The following SAMMSON variants were observed in gnomAD, a reference collection of about 807,000 sequenced individuals.
SAMMSON encodes long intergenic non-protein coding RNA 1212.
chr3:70,364,422 T>C (rs1702902899), intron 9 of SAMMSON, among the ~76,000 whole-genome samples: 1 of 152,074 alleles, frequency 6.6e-6, no homozygotes, highest in Middle Eastern at 3.4e-3. Context: ...CAAAGCTCTT[T>C]TGTTTTGTTT....
At chr3:70,418,842 C>A (rs1701285140) in intron 2 of SAMMSON, among the ~76,000 whole-genome samples, 1 of 152,100 alleles carries the variant, frequency 6.6e-6, no homozygotes, top group Admixed American at 6.5e-5. Flanking sequence ...CTCTTAATTG[C>A]AAGTCAAAAA....
intron 4 of SAMMSON, among the ~76,000 whole-genome samples, chr3:70,093,932 G>A (rs2067314129): frequency 1.3e-5 from 2 of 152,210 alleles, no homozygotes; most frequent in Admixed American, 6.5e-5. Flanking sequence ...TTTGAGGGAC[G>A]TTTTGCAACC....
chr3:70,181,062 T>C (rs1701049790), intron 4 of SAMMSON, among the ~76,000 whole-genome samples: 1 of 152,132 alleles, frequency 6.6e-6, no homozygotes, highest in Non-Finnish European at 1.5e-5. Context: ...TTGGAATTTA[T>C]CATGGGAACA....
At chr3:70,388,059 C>T (rs986289466) in intron 9 of SAMMSON, among the ~76,000 whole-genome samples, 6 of 152,184 alleles carry the variant, frequency 3.9e-5, no homozygotes, top group South Asian at 2.1e-4. Context: ...TTTTTTGACA[C>T]GTTGGTCAAC....
At chr3:70,227,271 C>T (rs560394492) in intron 4 of SAMMSON, among the ~76,000 whole-genome samples, 7 of 152,284 alleles carry the variant, frequency 4.6e-5, no homozygotes, top group Admixed American at 1.3e-4. Context: ...ATCTCTAAAC[C>T]TATTATAGTC....
At chr3:70,304,416 C>T (rs1296000437) in intron 7 of SAMMSON, among the ~76,000 whole-genome samples, 4 of 152,162 alleles carry the variant, frequency 2.6e-5, no homozygotes. Flanking sequence ...TGACAGTTTC[C>T]ATGGGGATAC....
intron 4 of SAMMSON, among the ~76,000 whole-genome samples, chr3:70,201,603 G>T (rs1296516922): frequency 6.6e-6 from 1 of 152,154 alleles, no homozygotes; most frequent in Non-Finnish European, 1.5e-5. Context: ...TGTTTAAGAG[G>T]CATGCCCCAG....
intron 4 of SAMMSON, among the ~76,000 whole-genome samples, chr3:70,191,508 A>T (rs1379561534): frequency 6.6e-6 from 1 of 152,244 alleles, no homozygotes; most frequent in Non-Finnish European, 1.5e-5. Flanking sequence ...AACCATAGAT[A>T]AATGAGGCAA....
chr3:70,045,347 T>C (rs1442239066), intron 3 of SAMMSON, among the ~76,000 whole-genome samples: 7 of 150,688 alleles, frequency 4.6e-5, no homozygotes, highest in Non-Finnish European at 1.0e-4. Context: ...TAGAAGCAAA[T>C]GGAGGATCTT....
intron 7 of SAMMSON, among the ~76,000 whole-genome samples, chr3:70,323,653 T>C (rs1416393054): frequency 6.6e-6 from 1 of 152,158 alleles, no homozygotes; most frequent in Admixed American, 6.6e-5. Flanking sequence ...TTGTGGGAGA[T>C]TTGAAAGACA....
intron 1 of SAMMSON, among the ~76,000 whole-genome samples, chr3:70,007,174 T>A (rs947122616): frequency 5.9e-5 from 9 of 152,142 alleles, no homozygotes; most frequent in Non-Finnish European, 1.2e-4. Context: ...GTAATGGGAT[T>A]GCTGGGTCAA....
At chr3:70,065,017 A>C (rs1446632216) in intron 3 of SAMMSON, among the ~76,000 whole-genome samples, 1 of 152,106 alleles carries the variant, frequency 6.6e-6, no homozygotes, top group African/African-American at 2.4e-5. Flanking sequence ...CTGCAGTTTG[A>C]TTTCAGATGT....
intron 6 of SAMMSON, among the ~76,000 whole-genome samples, chr3:70,256,046 T>G (rs777581483): frequency 3.0e-4 from 46 of 152,328 alleles, no homozygotes; most frequent in Non-Finnish European, 5.4e-4. Flanking sequence ...CCAAATTATT[T>G]TTTTGATACA....
At chr3:70,029,343 G>C (rs528574391) in intron 3 of SAMMSON, among the ~76,000 whole-genome samples, 1 of 152,162 alleles carries the variant, frequency 6.6e-6, no homozygotes, top group African/African-American at 2.4e-5. Context: ...TGAGACCAAT[G>C]TGGAACCTTT....
chr3:70,399,288 A>T (rs749166232), intron 2 of SAMMSON, among the ~76,000 whole-genome samples: 3 of 152,176 alleles, frequency 2.0e-5, no homozygotes, highest in Non-Finnish European at 4.4e-5. Context: ...AAATTGTTTA[A>T]ATGATCTGAA....
At chr3:70,314,018 TC>T (rs1249059136) in intron 7 of SAMMSON, among the ~76,000 whole-genome samples, 2 of 152,154 alleles carry the variant, frequency 1.3e-5, no homozygotes, top group East Asian at 3.9e-4. Context: ...TAGAAATGTT[TC>T]CATCTCCACC....
At chr3:70,240,779 A>G (rs1225054530) in intron 4 of SAMMSON, among the ~76,000 whole-genome samples, 4 of 152,144 alleles carry the variant, frequency 2.6e-5, no homozygotes, top group African/African-American at 7.2e-5. Flanking sequence ...AGTCTGAGTT[A>G]TTTTCATACA....
chr3:70,017,011 C>T (rs912527458), intron 3 of SAMMSON, among the ~76,000 whole-genome samples: 1 of 152,098 alleles, frequency 6.6e-6, no homozygotes, highest in Non-Finnish European at 1.5e-5. Context: ...AGTTTGAAGT[C>T]AGGTAGCGTG....
At chr3:70,142,646 T>C (rs774155786) in intron 4 of SAMMSON, among the ~76,000 whole-genome samples, 2 of 151,932 alleles carry the variant, frequency 1.3e-5, no homozygotes, top group Non-Finnish European at 2.9e-5. Flanking sequence ...AAGAACTTAC[T>C]CATGTAACCA....
Sources: allele counts gnomAD v4.1 joint callset (sites outside exome capture counted in the v4.1 genomes callset), GRCh38; gene constraint gnomAD v4.1.1; transcripts MANE v1.5; gene names NCBI Gene and HGNC (gene_info 2026-07-23, HGNC 2026-07-21).